Variants in LINGO2 observed in about 807,000 individuals in gnomAD.
LINGO2 encodes leucine-rich repeat and immunoglobulin-like domain-containing nogo receptor-interacting protein 2.
A neutral mutation model predicts 30.6 loss-of-function variants in LINGO2; 14 were observed. That is an observed-to-expected ratio of 0.46 (90% CI 0.30 to 0.72). The LOEUF (loss-of-function observed/expected upper bound fraction) is 0.72, where lower values mean the gene tolerates loss of function less well. LINGO2 is among the 30% of genes least tolerant of loss of function. The probability of loss-of-function intolerance (pLI) is 0.07; values close to 1 mark genes in which losing one functional copy is unlikely to be tolerated. For synonymous variants in LINGO2, 317 were observed against 288.5 expected (o/e 1.10, Z -1.00); for missense variants, 729 against 751.7 (o/e 0.97, Z 0.35).
At chr9:28,424,397 AC>A (rs1372669551) in intron 2 of LINGO2, among the ~76,000 whole-genome samples, 1 of 152,180 alleles carries the variant, frequency 6.6e-6, no homozygotes, top group Non-Finnish European at 1.5e-5. Context: ...GAACCGAGGT[AC>A]CGTAGCCAAT....
the LINGO2 span, among the ~76,000 whole-genome samples, chr9:28,881,391 T>C: frequency 8.5e-5 from 13 of 152,164 alleles, no homozygotes; most frequent in Admixed American, 7.9e-4. Flanking sequence ...CCCAAAGTGC[T>C]GGAATTATAG....
At chr9:28,959,947 T>C in the LINGO2 span, among the ~76,000 whole-genome samples, 5 of 152,252 alleles carry the variant, frequency 3.3e-5, no homozygotes, top group Non-Finnish European at 5.9e-5. Flanking sequence ...ATGGTCCTCA[T>C]AGGGTAGTTT....
chr9:28,033,875 A>G (rs1197928), intron 4 of LINGO2, among the ~76,000 whole-genome samples: 3,588 of 152,304 alleles, frequency 0.024, 134 homozygotes, highest in African/African-American at 0.081. Flanking sequence ...TTCAGTCAAC[A>G]AGGATTTCCC....
At chr9:28,910,817 C>T in the LINGO2 span, among the ~76,000 whole-genome samples, 2 of 151,690 alleles carry the variant, frequency 1.3e-5, no homozygotes, top group African/African-American at 4.8e-5. Flanking sequence ...TGAGAATGAA[C>T]TAATATACAC....
At chr9:28,601,004 A>G (rs1825441202) in intron 1 of LINGO2, among the ~76,000 whole-genome samples, 1 of 152,096 alleles carries the variant, frequency 6.6e-6, no homozygotes, top group Admixed American at 6.6e-5. Flanking sequence ...AAAATAAACC[A>G]TGTTTTTTTT....
the LINGO2 span, among the ~76,000 whole-genome samples, chr9:29,191,492 T>C: frequency 5.9e-5 from 9 of 152,232 alleles, no homozygotes; most frequent in East Asian, 9.7e-4. Context: ...GCGGCAATGA[T>C]TTTAAATAAC....
intron 2 of LINGO2, among the ~76,000 whole-genome samples, chr9:28,451,418 C>G (rs561109083): frequency 6.6e-6 from 1 of 151,572 alleles, no homozygotes; most frequent in Non-Finnish European, 1.5e-5. Context: ...CAAACAGGTT[C>G]GATAAAGCTT....
At chr9:28,214,832 GAA>G (rs2133872334) in intron 4 of LINGO2, among the ~76,000 whole-genome samples, 1 of 151,708 alleles carries the variant, frequency 6.6e-6, no homozygotes, top group South Asian at 2.1e-4. Flanking sequence ...ACTAATCACA[GAA>G]TGGAAACAAA....
chr9:29,041,485 T>C, the LINGO2 span, among the ~76,000 whole-genome samples: 29,546 of 151,900 alleles, frequency 0.19, 3,078 homozygotes, highest in East Asian at 0.34. Flanking sequence ...GGTGGAAATA[T>C]AGACTTATAC....
At position 28,556,905 on chromosome 9, in the gene LINGO2, C is replaced by A. The variant is rs191533641; in HGVS notation, c.-364-80880G>T. Reference sequence around the variant, plus strand: ...AAAACAAGCAATGGGGAAAGGATTGCCTATTTAATAAATGGTGCTGGGAAA... The same window carrying A: ...AAAACAAGCAATGGGGAAAGGATTGACTATTTAATAAATGGTGCTGGGAAA... On this transcript the variant is annotated intron_variant, in intron 1 of 5. Transcript: ENST00000379992. 3.1e-3 allele frequency among the ~76,000 whole-genome samples: 465 copies of A among 152,176 alleles called. 3 individuals are homozygous for A. The highest frequency in any genetic ancestry group is 0.011 in the Admixed American group (168 of 15,278).
chr9:28,763,990 T>C, the LINGO2 span, among the ~76,000 whole-genome samples: 2 of 151,670 alleles, frequency 1.3e-5, no homozygotes, highest in Non-Finnish European at 2.9e-5. Flanking sequence ...AAAGTCTGAA[T>C]AGACCAATAA....
At chr9:28,973,263 A>G in the LINGO2 span, among the ~76,000 whole-genome samples, 1 of 152,184 alleles carries the variant, frequency 6.6e-6, no homozygotes, top group Non-Finnish European at 1.5e-5. Context: ...ATCAAGGATA[A>G]AGAAAAGATC....
chr9:28,240,100 T>C (rs1035602482), intron 4 of LINGO2, among the ~76,000 whole-genome samples: 10 of 152,032 alleles, frequency 6.6e-5, no homozygotes, highest in Non-Finnish European at 1.5e-5. Flanking sequence ...CAATAAAAAC[T>C]ATAAAACATT....
chr9:28,696,892 G>T, the LINGO2 span, among the ~76,000 whole-genome samples: 1 of 151,830 alleles, frequency 6.6e-6, no homozygotes, highest in East Asian at 1.9e-4. Context: ...TACGTTTTGT[G>T]CTATACAAGT....
At chr9:28,574,755 G>T (rs1823871133) in intron 1 of LINGO2, among the ~76,000 whole-genome samples, 2 of 152,098 alleles carry the variant, frequency 1.3e-5, no homozygotes, top group South Asian at 2.1e-4. Flanking sequence ...AAATCAATCT[G>T]CACAAGGAAT....
At chr9:28,474,212 A>G (rs1212371196) in intron 2 of LINGO2, among the ~76,000 whole-genome samples, 6 of 152,168 alleles carry the variant, frequency 3.9e-5, no homozygotes, top group Non-Finnish European at 8.8e-5. Flanking sequence ...TTTGAAATGA[A>G]CAAGTAACAT....
At chr9:28,073,247 G>T (rs1281360126) in intron 4 of LINGO2, among the ~76,000 whole-genome samples, 1 of 151,950 alleles carries the variant, frequency 6.6e-6, no homozygotes. Context: ...GGCCTACCCC[G>T]TATTAGCTGC....
In LINGO2 at chr9:28,606,589, C is replaced by A. The variant is rs183164816; in HGVS notation, c.-365+63611G>T. 7.9e-5 allele frequency among the ~76,000 whole-genome samples: 12 copies of A among 152,096 alleles called. No homozygotes were observed. The East Asian group carries it at 1.7e-3, about 22-fold the overall frequency. On this transcript the variant is annotated intron_variant, in intron 1 of 5. Transcript: ENST00000379992. ...TTGAAGGAATTTGTTTGTCTTGATA[C>A]AATCAATTGACCTTAACTTTCCTAG... is the stretch of plus-strand genomic sequence containing the variant.
the LINGO2 span, among the ~76,000 whole-genome samples, chr9:28,871,540 G>A: frequency 6.6e-6 from 1 of 151,634 alleles, no homozygotes; most frequent in Admixed American, 6.6e-5. Flanking sequence ...TAGAAAATAA[G>A]AAAATGAACT....
Sources: gnomAD v4.1 joint callset for allele counts (sites outside exome capture counted in the v4.1 genomes callset) on GRCh38, gnomAD v4.1.1 for gene constraint, MANE v1.5 for transcripts, NCBI Gene and HGNC (gene_info 2026-07-23, HGNC 2026-07-21) for gene names.